The following SORL1 variants were observed in gnomAD, a reference collection of about 807,000 sequenced individuals.
SORL1 encodes the protein sortilin-related receptor.
SORL1 carries 127 observed loss-of-function variants against 273.7 expected under a neutral mutation model. That is an observed-to-expected ratio of 0.46 (90% confidence interval 0.40 to 0.54). The LOEUF (loss-of-function observed/expected upper bound fraction) is 0.54, where lower values mean the gene tolerates loss of function less well. Ranked by LOEUF, SORL1 falls within the 20% of genes least tolerant of loss-of-function variation. SORL1 has a pLI of 0.00. For synonymous variants in SORL1, 1,031 were observed against 1,067.4 expected (o/e 0.97, Z 0.66); for missense variants, 2,494 against 2,846.1 (o/e 0.88, Z 2.81).
rs759917917 is a variant in SORL1, at chr11:121,514,241, A to T, written c.1131A>T (p.Ala377=). ...GCACCAATTTATACATCTCAGAGGC[A>T]GAGGGGCTGAAGTTCTCCCTGTCCT... ...NNRTNLYISE[A]EGLKFSLSLE... Residue 377 remains alanine (A), a synonymous_variant, in exon 8 of 48, where the codon GCA becomes GCT. Transcript: ENST00000260197. The T allele has an allele frequency of 6.2e-7, 1 of 1,614,236 alleles. No individual in the cohort carries two copies.
At chr11:121,541,491 T>C (rs1028087133) in intron 12 of SORL1, among the ~76,000 whole-genome samples, 11 of 152,352 alleles carry the variant, frequency 7.2e-5, no homozygotes, top group African/African-American at 2.6e-4. Context: ...ATTACAGGCA[T>C]GTGCCACCAC....
intron 11 of SORL1, among the ~76,000 whole-genome samples, chr11:121,525,699 A>C (rs1862111025): frequency 6.6e-6 from 1 of 152,208 alleles, no homozygotes; most frequent in South Asian, 2.1e-4. Flanking sequence ...TCATGTGCTC[A>C]TTGGCCATTT....
chr11:121,555,366 C>A (rs761740214), intron 18 of SORL1, 48 bp downstream of exon 18: 1 of 1,603,696 alleles, frequency 6.2e-7, no homozygotes, highest in Non-Finnish European at 8.5e-7. Context: ...AGGCGGGGCA[C>A]CTGGGCTTTG....
intron 2 of SORL1, among the ~76,000 whole-genome samples, chr11:121,472,072 G>A (rs755077026): frequency 3.3e-5 from 5 of 152,206 alleles, no homozygotes; most frequent in African/African-American, 4.8e-5. Context: ...TTGAGCCAAG[G>A]AGTTCAAGGC....
Position 121,478,058 on chromosome 11 carries a change from A to C in SORL1, c.403-60A>C, listed in dbSNP as rs1298672494. On this transcript the variant is annotated intron_variant, in intron 2 of 47. Transcript: ENST00000260197. ...AAAAAAAAAAAAAAAAAAAAGAAAG[A>C]TCTTTCTGCCAGTTTCTCACCAACT... 4 of 1,282,946 alleles carry C rather than the reference A, an allele frequency of 3.1e-6. No homozygotes were observed. In the East Asian group the frequency reaches 7.3e-5, roughly 23 times the overall value. The allele number at this position is 1,282,946 out of a possible 1,614,324, so 79.5% of individuals were successfully genotyped here. A position where few individuals can be genotyped will look rare whatever the true frequency, so the allele number is the denominator to read the frequency against.
chr11:121,571,226 G>T (rs112985077), intron 23 of SORL1, among the ~76,000 whole-genome samples: 2 of 152,390 alleles, frequency 1.3e-5, no homozygotes, highest in African/African-American at 4.8e-5. Flanking sequence ...TCTGGAGAGT[G>T]TCTGGGGTGA....
At position 121,595,576 on chromosome 11, in the gene SORL1, A is replaced by C. The variant is rs1230604265; in HGVS notation, c.4370-47A>C. ...TATTGATTGGTTGCTGTTATTGGCC[A>C]GCTCCCTCAATATTAAAAAGTAAAT... On this transcript the variant is annotated intron_variant, in intron 31 of 47. Transcript: ENST00000260197. The surrounding 1 kb of genome is among the most constrained non-coding windows in gnomAD (Gnocchi z 5.1). 1 of 1,506,384 alleles carries C rather than the reference A, an allele frequency of 6.6e-7. No homozygotes were observed. The highest frequency in any genetic ancestry group is 1.2e-5 in the South Asian group (1 of 82,928). 93.3% of individuals were successfully genotyped at this position (1,506,384 alleles called of 1,614,324 possible). A position where few individuals can be genotyped will look rare whatever the true frequency, so the allele number is the denominator to read the frequency against.
intron 1 of SORL1, among the ~76,000 whole-genome samples, chr11:121,454,893 C>T (rs191678418): frequency 6.6e-6 from 1 of 152,222 alleles, no homozygotes; most frequent in East Asian, 1.9e-4. Context: ...CTGGGGCAGA[C>T]CTGGTTTCTA....
chr11:121,518,331 T>C (rs1310609892), intron 8 of SORL1, among the ~76,000 whole-genome samples: 2 of 151,796 alleles, frequency 1.3e-5, no homozygotes. Context: ...AGAAAGTACT[T>C]AGGGTGGGGC....
intron 4 of SORL1, among the ~76,000 whole-genome samples, chr11:121,489,334 A>C (rs1020126020): frequency 1.3e-5 from 2 of 152,208 alleles, no homozygotes; most frequent in African/African-American, 4.8e-5. Context: ...ATCCATCTCT[A>C]GAACACTTTT....
intron 12 of SORL1, among the ~76,000 whole-genome samples, chr11:121,536,428 T>G (rs910848780): frequency 3.2e-5 from 4 of 123,636 alleles, no homozygotes; most frequent in African/African-American, 1.4e-4. Flanking sequence ...TATCACTGTG[T>G]TTTTTTTTTT....
chr11:121,531,771 G>A (rs1862205500), intron 11 of SORL1, among the ~76,000 whole-genome samples: 2 of 152,196 alleles, frequency 1.3e-5, no homozygotes, highest in Admixed American at 6.5e-5. Flanking sequence ...TACAAAATTA[G>A]GGGATTTACT....
rs1863275936 is a variant in SORL1 at position 121,595,303 on chromosome 11, G to A, written c.4370-320G>A. ...CTGAGCTTTCTCCTGTGACGGCTTA[G>A]GGTAGGACGCAGCCTTCGCTGGCCT... On this transcript the variant is annotated intron_variant, in intron 31 of 47. Transcript: ENST00000260197. The surrounding 1 kb of genome is among the most constrained non-coding windows in gnomAD (Gnocchi z 5.1). Among the ~76,000 whole-genome samples the A allele has an allele frequency of 6.6e-6, 1 of 152,198 alleles. No individual in the cohort carries two copies. Among genetic ancestry groups the A allele is most frequent in the Admixed American group, 6.5e-5 (1 of 15,282 alleles).
At chr11:121,506,282 A>AC (rs1861784859) in intron 6 of SORL1, among the ~76,000 whole-genome samples, 1 of 152,096 alleles carries the variant, frequency 6.6e-6, no homozygotes, top group Non-Finnish European at 1.5e-5. Context: ...GGTACAGTAA[A>AC]CATGGTGTAT....
intron 47 of SORL1, chr11:121,629,225 T>C: frequency 2.2e-6 from 1 of 462,700 alleles, no homozygotes; most frequent in Non-Finnish European, 3.8e-6. Context: ...AATAAGAGTC[T>C]TCTCCTGAGA....
In SORL1 at chr11:121,596,246, T is replaced by C. The variant is rs74777795; in HGVS notation, c.4519+474T>C. The stretch of plus-strand genomic sequence containing the variant: ...AGGGTAATTATGGTTGGTGAGATAG[T>C]GTGCCGAGCCACATGGGGAATAATC... On this transcript the variant is annotated intron_variant, in intron 32 of 47. Coordinates refer to ENST00000260197, the MANE Select transcript of SORL1 (RefSeq NM_003105.6). This position sits in a 1 kb window ranked among gnomAD's most constrained non-coding sequence, Gnocchi z 4.3. 7.4e-3 allele frequency among the ~76,000 whole-genome samples: 1,127 copies of C among 152,286 alleles called. 12 individuals carry two copies. Among genetic ancestry groups the C allele is most frequent in the African/African-American group, 0.025 (1,051 of 41,554 alleles).
At chr11:121,487,800 G>T (rs1197723394) in intron 3 of SORL1, among the ~76,000 whole-genome samples, 3 of 152,154 alleles carry the variant, frequency 2.0e-5, no homozygotes, top group African/African-American at 7.2e-5. Flanking sequence ...CTTCATCCCG[G>T]TCCATCTCCA....
intron 22 of SORL1, among the ~76,000 whole-genome samples, chr11:121,568,512 T>C (rs1862785295): frequency 6.6e-6 from 1 of 152,162 alleles, no homozygotes; most frequent in Non-Finnish European, 1.5e-5. Flanking sequence ...ACATTTTTTT[T>C]CTGTAAGGAA....
rs1252316142 is a variant in SORL1, at chr11:121,612,796, A to G, written c.5383A>G (p.Thr1795Ala). The G allele has an allele frequency of 4.3e-6, 7 of 1,614,128 alleles. No homozygotes were observed. The highest frequency in any genetic ancestry group is 3.3e-4 in the Middle Eastern group (2 of 6,062). Residue 1795 changes from threonine to alanine, a missense_variant, in exon 40 of 48, where the codon ACT becomes GCT. By Grantham distance (58) the Thr-to-Ala change is moderately conservative (BLOSUM62 0). Transcript: ENST00000260197. ...TGACACCCACAAGCAAGAGAGGAGA[A>G]CTTTGAACTTCCGAGGAAGCATATT... Reference protein sequence around the residue: ...AFDTHKQERRTLNFRGSILSH... With the variant: ...AFDTHKQERRALNFRGSILSH...
Sources: allele counts gnomAD v4.1 joint callset (sites outside exome capture counted in the v4.1 genomes callset), GRCh38; gene constraint gnomAD v4.1.1; non-coding constraint Gnocchi (gnomAD v3.1); transcripts MANE v1.5; gene names NCBI Gene and HGNC (gene_info 2026-07-23, HGNC 2026-07-21).